The following AVEN variants were observed in gnomAD, a reference collection of about 807,000 sequenced individuals.
AVEN encodes apoptosis and caspase activation inhibitor, also known as cell death regulator Aven.
Under a neutral mutation model 38.1 loss-of-function variants are expected in AVEN, and 41 were observed. The observed-to-expected ratio is 1.08, with a 90% CI of 0.84 to 1.40. The LOEUF is 1.40. Among genes scored for constraint, AVEN ranks in the 40% most tolerant of loss-of-function variants. The pLI, the probability that AVEN is intolerant of heterozygous loss-of-function variation, is 0.00. For synonymous variants in AVEN, 206 were observed against 171.8 expected, an observed-to-expected ratio of 1.20 and a Z score of -1.56; for missense variants, 605 against 438.8, an observed-to-expected ratio of 1.38 and a Z score of -3.38.
chr15:33,921,777 A>C (rs1397016436), intron 2 of AVEN, among the ~76,000 whole-genome samples: 1 of 152,188 alleles, frequency 6.6e-6, no homozygotes, highest in Admixed American at 6.5e-5. Context: ...ACAAATCTCA[A>C]ACTTTAACAA....
At chr15:34,035,874 A>G (rs1464952457) in intron 1 of AVEN, among the ~76,000 whole-genome samples, 2 of 152,180 alleles carry the variant, frequency 1.3e-5, no homozygotes, top group Non-Finnish European at 2.9e-5. Flanking sequence ...AGCTCACTGC[A>G]GCCTCCACCT....
intron 2 of AVEN, among the ~76,000 whole-genome samples, chr15:33,937,245 T>C (rs1259057429): frequency 7.0e-6 from 1 of 143,558 alleles, no homozygotes; most frequent in Non-Finnish European, 1.5e-5. Flanking sequence ...TTTTAAAAAT[T>C]AAATCAGGGC....
chr15:34,073,141 C>T (rs1350075837), intron 1 of AVEN, among the ~76,000 whole-genome samples: 3 of 150,672 alleles, frequency 2.0e-5, no homozygotes, highest in Admixed American at 6.6e-5. Flanking sequence ...CCCGGGTTCA[C>T]GCCATTCTCC....
chr15:34,054,947 C>T (rs1036977195), intron 5 of AVEN, among the ~76,000 whole-genome samples: 2 of 151,860 alleles, frequency 1.3e-5, no homozygotes, highest in African/African-American at 4.8e-5. Context: ...AATCCCAGCA[C>T]TTTGGGAGGC....
chr15:34,038,706 C>G (rs1190272551), intron 1 of AVEN, 74 bp downstream of exon 1: 1 of 1,107,364 alleles, frequency 9.0e-7, no homozygotes, highest in Non-Finnish European at 1.1e-6. Flanking sequence ...TCTCTTGCGG[C>G]TCTTGACTGG....
chr15:33,961,869 G>C (rs1895204114), intron 2 of AVEN, among the ~76,000 whole-genome samples: 1 of 148,534 alleles, frequency 6.7e-6, no homozygotes, highest in Non-Finnish European at 1.5e-5. Context: ...TCTGAGGAGA[G>C]TGTGTTCCTA....
At chr15:33,919,589 G>A (rs1019585) in intron 2 of AVEN, among the ~76,000 whole-genome samples, 91,017 of 152,036 alleles carry the variant, frequency 0.6, 28,067 homozygotes, top group Middle Eastern at 0.7. Context: ...AGAAGGGTAT[G>A]GGAATGAACC....
chr15:34,020,475 C>T (rs892091658), intron 1 of AVEN, among the ~76,000 whole-genome samples: 1 of 152,134 alleles, frequency 6.6e-6, no homozygotes, highest in Non-Finnish European at 1.5e-5. Context: ...GCATGTAGAT[C>T]ATCTGGTTTA....
intron 1 of AVEN, among the ~76,000 whole-genome samples, chr15:34,030,637 G>A (rs1315128455): frequency 6.6e-6 from 1 of 150,968 alleles, no homozygotes; most frequent in Admixed American, 6.6e-5. Context: ...CTGGTTTGGG[G>A]GGTTTTGTTG....
intron 1 of AVEN, among the ~76,000 whole-genome samples, chr15:34,018,022 C>T (rs1218244177): frequency 2.0e-5 from 3 of 152,194 alleles, no homozygotes; most frequent in African/African-American, 7.2e-5. Context: ...ATGTACACTA[C>T]ATAATACTGA....
At chr15:33,894,823 T>A (rs9673088) in intron 2 of AVEN, among the ~76,000 whole-genome samples, 9 of 7,334 alleles carry the variant, frequency 1.2e-3, no homozygotes, top group Non-Finnish European at 2.6e-3. Context: ...AAAAAAAAAA[T>A]AATAACAATA....
downstream of AVEN, chr15:33,854,305 G>T (rs2079415064): frequency 8.7e-7 from 1 of 1,152,650 alleles, no homozygotes; most frequent in South Asian, 1.4e-5. Context: ...AAACCTGAGA[G>T]AAAAAACTTA....
intron 2 of AVEN, among the ~76,000 whole-genome samples, chr15:33,992,501 A>G (rs1896772502): frequency 1.3e-5 from 2 of 152,250 alleles, no homozygotes; most frequent in African/African-American, 2.4e-5. Flanking sequence ...TGGTTATCCA[A>G]TTGAAAATTT....
chr15:34,008,585 T>C (rs1597343518), intron 1 of AVEN, among the ~76,000 whole-genome samples: 1 of 147,940 alleles, frequency 6.8e-6, no homozygotes, highest in Non-Finnish European at 1.5e-5. Flanking sequence ...GCCTCCCGGG[T>C]TCAAGTCATT....
intron 2 of AVEN, among the ~76,000 whole-genome samples, chr15:33,946,756 A>G (rs1245082181): frequency 6.6e-6 from 1 of 152,232 alleles, no homozygotes; most frequent in African/African-American, 2.4e-5. Flanking sequence ...GGATGGACGC[A>G]TAATTAAAGA....
At chr15:33,904,190 C>T (rs994517944) in intron 2 of AVEN, among the ~76,000 whole-genome samples, 1 of 152,128 alleles carries the variant, frequency 6.6e-6, no homozygotes, top group Admixed American at 6.6e-5. Context: ...GAGGCCAAGA[C>T]AGGAGTATTG....
rs574530710 is a variant in AVEN, at chr15:33,994,688, T to A, written c.445+8344A>T. Among the ~76,000 whole-genome samples the A allele has an allele frequency of 2.5e-3, 382 of 152,308 alleles. 2 individuals carry two copies. The highest frequency in any genetic ancestry group is 4.1e-3 in the Non-Finnish European group (278 of 68,020). On this transcript the variant is annotated intron_variant, in intron 2 of 5. Coordinates refer to ENST00000306730, the MANE Select transcript of AVEN (RefSeq NM_020371.3). The stretch of plus-strand genomic sequence containing the variant: ...ACATATACATACAGTGTGTGTGAAA[T>A]AGAAATTCACTTTTTAATTACAAGT...
chr15:34,058,290 T>A (rs1277885569), intron 5 of AVEN, among the ~76,000 whole-genome samples: 3 of 152,092 alleles, frequency 2.0e-5, no homozygotes, highest in Non-Finnish European at 2.9e-5. Context: ...CCTAACCAAG[T>A]GGACACATAA....
intron 2 of AVEN, among the ~76,000 whole-genome samples, chr15:33,979,045 T>C (rs1312347098): frequency 1.3e-5 from 2 of 152,150 alleles, no homozygotes; most frequent in African/African-American, 4.8e-5. Flanking sequence ...TTTAGAAAGG[T>C]TGACATACTT....
Sources: allele counts gnomAD v4.1 joint callset (sites outside exome capture counted in the v4.1 genomes callset), GRCh38; gene constraint gnomAD v4.1.1; transcripts MANE v1.5; gene names NCBI Gene and HGNC (gene_info 2026-07-23, HGNC 2026-07-21).